The following LRRC7 variants were observed in gnomAD, a reference collection of about 807,000 sequenced individuals.
The protein encoded by LRRC7 is leucine rich repeat containing 7.
Under a neutral mutation model 175.7 loss-of-function variants are expected in LRRC7, and 23 were observed. The observed-to-expected ratio is 0.13, with a 90% CI of 0.09 to 0.19. LRRC7 has a LOEUF of 0.19. LRRC7 is among the 10% of genes least tolerant of loss of function. The pLI is 1.00. For synonymous variants in LRRC7, 685 were observed against 680.9 expected (o/e 1.01, Z -0.09); for missense variants, 1,354 against 1,904.7 (o/e 0.71, Z 5.38).
At chr1:69,979,953 A>T (rs541013380) in intron 8 of LRRC7, among the ~76,000 whole-genome samples, 3 of 152,136 alleles carry the variant, frequency 2.0e-5, no homozygotes, top group Admixed American at 2.0e-4. Flanking sequence ...GCGCTAATAC[A>T]CACACAGTAA....
At chr1:70,070,664 A>G (rs1662313328) in intron 23 of LRRC7, among the ~76,000 whole-genome samples, 1 of 152,150 alleles carries the variant, frequency 6.6e-6, no homozygotes, top group African/African-American at 2.4e-5. Context: ...CAATTTTCCA[A>G]TTCAGCTTCC....
chr1:69,928,897 C>T (rs556969893), intron 7 of LRRC7, among the ~76,000 whole-genome samples: 3 of 152,218 alleles, frequency 2.0e-5, no homozygotes, highest in Non-Finnish European at 2.9e-5. Flanking sequence ...CCGTCTTCTG[C>T]GTCGCTTACG....
chr1:69,718,119 AAG>A lies in LRRC7; in HGVS notation c.100+39643_100+39644del, dbSNP rs1439143524. 3.2e-3 allele frequency among the ~76,000 whole-genome samples: 259 copies of A among 79,730 alleles called. 15 individuals are homozygous for A. The highest frequency in any genetic ancestry group is 5.6e-3 in the South Asian group (12 of 2,128). The allele number at this position is 79,730 out of a possible 152,430, so 52.3% of individuals were successfully genotyped here. Reference sequence around the variant, plus strand: ...GAGAAGAAAGAGAGAAAAAGAAAGAAAGAAAGAAAAGAAAGAAAGAGAGAGAA... The same window carrying A: ...GAGAAGAAAGAGAGAAAAAGAAAGAAAAAGAAAAGAAAGAAAGAGAGAGAA... On this transcript the variant is annotated intron_variant, in intron 2 of 26. Transcript: ENST00000651989.
chr1:69,790,666 G>A (rs1191243301), intron 3 of LRRC7, among the ~76,000 whole-genome samples: 1 of 151,742 alleles, frequency 6.6e-6, no homozygotes, highest in Non-Finnish European at 1.5e-5. Context: ...GATAGAGACT[G>A]GAATAAGTAT....
intron 26 of LRRC7, 84 bp from the exon 27 acceptor site, chr1:70,121,696 G>C: frequency 1.2e-6 from 1 of 853,722 alleles, no homozygotes; most frequent in East Asian, 2.6e-5. Context: ...GTTGCTCAGT[G>C]CTCCCGTGAA....
intron 1 of LRRC7, among the ~76,000 whole-genome samples, chr1:69,601,433 A>G (rs1434002750): frequency 1.3e-5 from 2 of 152,106 alleles, no homozygotes; most frequent in South Asian, 2.1e-4. Flanking sequence ...AACATCTACC[A>G]TCCATCTTTT....
intron 22 of LRRC7, among the ~76,000 whole-genome samples, 167 bp downstream of exon 22, chr1:70,044,261 G>C (rs1054449425): frequency 6.6e-6 from 1 of 152,184 alleles, no homozygotes; most frequent in Non-Finnish European, 1.5e-5. Context: ...GCCGCTAAAT[G>C]AATATTTGTA....
intron 4 of LRRC7, among the ~76,000 whole-genome samples, chr1:69,808,034 T>G (rs571235353): frequency 6.6e-6 from 1 of 151,724 alleles, no homozygotes; most frequent in Non-Finnish European, 1.5e-5. Context: ...CTTCATGATT[T>G]ACTTCATTAA....
intron 1 of LRRC7, among the ~76,000 whole-genome samples, chr1:69,619,555 C>A (rs1650227809): frequency 1.3e-5 from 2 of 152,002 alleles, no homozygotes; most frequent in African/African-American, 2.4e-5. Context: ...GTCTTTTTTC[C>A]CCTCGGAAAT....
chr1:70,029,056 C>T (rs1658426933), intron 18 of LRRC7, among the ~76,000 whole-genome samples: 1 of 152,072 alleles, frequency 6.6e-6, no homozygotes, highest in Admixed American at 6.6e-5. Flanking sequence ...TCTGTAAGTT[C>T]ACGTAACTAC....
chr1:69,686,741 T>C lies in LRRC7; in HGVS notation c.100+8263T>C. Among the ~76,000 whole-genome samples the C allele has an allele frequency of 2.0e-5, 3 of 152,212 alleles. 1 individual carries two copies. In the East Asian group the frequency reaches 5.8e-4, roughly 29 times the overall value. ...ATAATAAAATTAGATGTATTAGACTTAAGTCCTAATACATCAATAATTACA... is the reference window on the plus strand; with the variant it reads ...ATAATAAAATTAGATGTATTAGACTCAAGTCCTAATACATCAATAATTACA... On this transcript the variant is annotated intron_variant, in intron 2 of 26. Transcript: ENST00000651989.
intron 4 of LRRC7, among the ~76,000 whole-genome samples, chr1:69,815,948 CTTTATTTATTTA>C (rs61408208): frequency 0.45 from 66,210 of 147,334 alleles, 16,616 homozygotes; most frequent in East Asian, 0.75. Flanking sequence ...TCTCTAGAAC[CTTTATTTATTTA>C]TTTATTTATT....
chr1:69,780,236 T>C (rs1673332473), intron 3 of LRRC7, among the ~76,000 whole-genome samples: 1 of 152,250 alleles, frequency 6.6e-6, no homozygotes, highest in Non-Finnish European at 1.5e-5. Context: ...ATTCCACGTA[T>C]TTAAATTCTC....
chr1:69,859,093 A>G (rs371998845), intron 7 of LRRC7, among the ~76,000 whole-genome samples: 1 of 152,132 alleles, frequency 6.6e-6, no homozygotes, highest in Non-Finnish European at 1.5e-5. Context: ...ATTCATAAAC[A>G]GAAATAAATT....
At chr1:69,794,083 G>A (rs1675433500) in intron 4 of LRRC7, among the ~76,000 whole-genome samples, 1 of 152,136 alleles carries the variant, frequency 6.6e-6, no homozygotes, top group Non-Finnish European at 1.5e-5. Flanking sequence ...TGTATTATTA[G>A]GGAAGAGTTC....
intron 1 of LRRC7, among the ~76,000 whole-genome samples, chr1:69,627,114 G>A (rs1422000590): frequency 6.6e-6 from 1 of 152,134 alleles, no homozygotes; most frequent in Non-Finnish European, 1.5e-5. Flanking sequence ...GGGTCAAATG[G>A]TATTCCTAGT....
intron 18 of LRRC7, among the ~76,000 whole-genome samples, chr1:70,030,177 G>T (rs1371482623): frequency 6.6e-6 from 1 of 152,024 alleles, no homozygotes; most frequent in Non-Finnish European, 1.5e-5. Context: ...CCTCCTCATT[G>T]CCTTGTCAAT....
intron 16 of LRRC7, chr1:70,022,311 C>T (rs748957375): frequency 6.6e-6 from 1 of 152,064 alleles, no homozygotes; most frequent in Non-Finnish European, 1.5e-5. Context: ...AAATCCAGAA[C>T]CAATGGATGA....
chr1:69,691,816 A>G (rs902051363), intron 2 of LRRC7, among the ~76,000 whole-genome samples: 67 of 121,368 alleles, frequency 5.5e-4, no homozygotes, highest in African/African-American at 1.6e-3. Flanking sequence ...AAAAAAAAAA[A>G]AAAAAGAAAA....
Sources: gnomAD v4.1 joint callset for allele counts (sites outside exome capture counted in the v4.1 genomes callset) on GRCh38, gnomAD v4.1.1 for gene constraint, MANE v1.5 for transcripts, NCBI Gene and HGNC (gene_info 2026-07-23, HGNC 2026-07-21) for gene names.